Variants in HIVEP3 observed in about 807,000 individuals in gnomAD.
The protein encoded by HIVEP3 is HIVEP zinc finger 3, also known as transcription factor HIVEP3.
In HIVEP3, 49 loss-of-function variants were observed where a neutral mutation model predicts 152.8. The ratio of observed to expected loss-of-function variants is 0.32; its 90% CI spans 0.26 to 0.41. The LOEUF is 0.41. Among genes scored for constraint, HIVEP3 ranks in the 10% least tolerant of loss-of-function variants. The pLI is 1.00. For missense variants in HIVEP3, 2,790 were observed against 3,103.3 expected, an observed-to-expected ratio of 0.90 and a Z score of 2.40; for synonymous variants, 1,269 against 1,289.0, an observed-to-expected ratio of 0.98 and a Z score of 0.33.
rs2124509702 is a variant in HIVEP3, at chr1:41,980,561, C to T, written n.119+55246G>A. 1.3e-5 allele frequency among the ~76,000 whole-genome samples: 2 copies of T among 152,290 alleles called. 1 individual carries two copies. The highest frequency in any genetic ancestry group is 6.8e-3 in the Middle Eastern group (2 of 294). On this transcript the variant is annotated intron_variant and non_coding_transcript_variant, in intron 1 of 3. Transcript: ENST00000489103. Reference sequence around the variant, plus strand: ...GGTCTGGGGATGGGGTGAAGATTGCCTACAATTGGGCACAACAGATCTTTT... The same window carrying T: ...GGTCTGGGGATGGGGTGAAGATTGCTTACAATTGGGCACAACAGATCTTTT...
chr1:41,525,020 G>A, intron 5 of HIVEP3, 110 bp from the exon 6 acceptor site: 2 of 1,043,382 alleles, frequency 1.9e-6, no homozygotes, highest in Non-Finnish European at 2.8e-6. Context: ...ACAGACGCAA[G>A]GAATGGAGGC....
intron 4 of HIVEP3, 65 bp from the exon 5 acceptor site, chr1:41,575,754 A>G: frequency 1.3e-6 from 2 of 1,547,886 alleles, no homozygotes; most frequent in Non-Finnish European, 1.8e-6. Flanking sequence ...CACGAATGCA[A>G]TGCTAATAAT....
chr1:41,947,048 G>A (rs1303182858), intron 1 of HIVEP3, among the ~76,000 whole-genome samples: 1 of 152,132 alleles, frequency 6.6e-6, no homozygotes, highest in African/African-American at 2.4e-5. Flanking sequence ...CTTTAAAGAT[G>A]CCTTTTTCTG....
At chr1:41,731,072 A>G (rs1646832241) in intron 1 of HIVEP3, among the ~76,000 whole-genome samples, 1 of 152,020 alleles carries the variant, frequency 6.6e-6, no homozygotes, top group Non-Finnish European at 1.5e-5. Context: ...GGAACTCACT[A>G]CCTCCTAGAG....
At chr1:42,031,255 T>A (rs1220443144) in intron 1 of HIVEP3, among the ~76,000 whole-genome samples, 1 of 152,220 alleles carries the variant, frequency 6.6e-6, no homozygotes, top group African/African-American at 2.4e-5. Context: ...TCCAGACTGC[T>A]CTGCTGAACA....
intron 1 of HIVEP3, among the ~76,000 whole-genome samples, chr1:41,865,898 C>T (rs554314481): frequency 9.2e-5 from 14 of 152,286 alleles, no homozygotes; most frequent in African/African-American, 2.4e-4. Flanking sequence ...CCACATAACA[C>T]GGAGCTTTGA....
At chr1:41,652,091 A>G (rs1645559776) in intron 2 of HIVEP3, among the ~76,000 whole-genome samples, 1 of 152,198 alleles carries the variant, frequency 6.6e-6, no homozygotes, top group Non-Finnish European at 1.5e-5. Flanking sequence ...ACAGCAGTCC[A>G]TGTTTATAGC....
chr1:41,575,707 T>C lies in HIVEP3; in HGVS notation c.5062-18A>G, dbSNP rs762499250. Reference sequence around the variant, plus strand: ...AGGTGAACCTGGCCCACCGCAGGAATGACAAAATCATTGCTGGTTAAAAGT... The same window carrying C: ...AGGTGAACCTGGCCCACCGCAGGAACGACAAAATCATTGCTGGTTAAAAGT... On this transcript the variant is annotated intron_variant, in intron 4 of 8. Coordinates refer to ENST00000372583, the MANE Select transcript of HIVEP3 (RefSeq NM_024503.5). 6.2e-7 allele frequency: 1 copy of C among 1,612,714 alleles called. No individual in the cohort carries two copies. Among genetic ancestry groups the C allele is most frequent in the East Asian group, 2.2e-5 (1 of 44,844 alleles).
At chr1:41,696,002 T>TC (rs890129052) in intron 2 of HIVEP3, among the ~76,000 whole-genome samples, 4 of 152,068 alleles carry the variant, frequency 2.6e-5, no homozygotes, top group African/African-American at 9.7e-5. Context: ...GCAAATGACT[T>TC]CCCCATCTCA....
chr1:41,589,803 G>A (rs1644560290), intron 3 of HIVEP3, among the ~76,000 whole-genome samples: 1 of 152,146 alleles, frequency 6.6e-6, no homozygotes, highest in African/African-American at 2.4e-5. Flanking sequence ...CTCTTTGCTT[G>A]TAATTTACTT....
chr1:41,985,417 G>A (rs900941169), intron 1 of HIVEP3, among the ~76,000 whole-genome samples: 3 of 152,148 alleles, frequency 2.0e-5, no homozygotes, highest in Admixed American at 2.0e-4. Context: ...CAAGGTGCTG[G>A]CAGATCCAGC....
intron 2 of HIVEP3, among the ~76,000 whole-genome samples, chr1:41,675,991 A>T (rs1050576948): frequency 6.6e-6 from 1 of 152,130 alleles, no homozygotes; most frequent in African/African-American, 2.4e-5. Flanking sequence ...GCCGGGCAAC[A>T]TCTAATGCCA....
chr1:41,728,249 A>G (rs1266476930), intron 1 of HIVEP3, among the ~76,000 whole-genome samples: 3 of 152,198 alleles, frequency 2.0e-5, no homozygotes, highest in Non-Finnish European at 4.4e-5. Context: ...CCATAAAGCT[A>G]GAACAATAAG....
chr1:41,593,707 C>A (rs1373016653), intron 3 of HIVEP3, among the ~76,000 whole-genome samples: 2 of 152,244 alleles, frequency 1.3e-5, no homozygotes, highest in Non-Finnish European at 2.9e-5. Context: ...ATAAGAAAGG[C>A]AAAATGGTTG....
chr1:41,648,965 T>G (rs1190329907), intron 2 of HIVEP3, among the ~76,000 whole-genome samples: 2 of 152,262 alleles, frequency 1.3e-5, no homozygotes, highest in Non-Finnish European at 2.9e-5. Flanking sequence ...GTAGCTCAAG[T>G]GCTCAGAGCC....
In HIVEP3 at chr1:41,995,934, C is replaced by T. The variant is rs146774750; in HGVS notation, n.119+39873G>A. On this transcript the variant is annotated intron_variant and non_coding_transcript_variant, in intron 1 of 3. Coordinates refer to the HIVEP3 transcript ENST00000489103. The stretch of plus-strand genomic sequence containing the variant: ...CAGTGAGATGTTTTGCCTTGGTTCA[C>T]GTATCCTCACCTCCTCCTCTGCCTC... Among the ~76,000 whole-genome samples, 739 of 152,292 alleles carry T rather than the reference C, an allele frequency of 4.9e-3. 6 individuals are homozygous for T. Among genetic ancestry groups the T allele is most frequent in the African/African-American group, 0.017 (698 of 41,552 alleles).
At chr1:41,937,950 C>G (rs536118058) in intron 1 of HIVEP3, among the ~76,000 whole-genome samples, 1 of 152,184 alleles carries the variant, frequency 6.6e-6, no homozygotes, top group Non-Finnish European at 1.5e-5. Flanking sequence ...TATATGTGGA[C>G]AAATCAACCA....
rs533730236 is a variant in HIVEP3 at position 41,526,683 on chromosome 1, CCA to C, written c.5208-1775_5208-1774del. ...CTCCCCCTCATACCTGCTCGCACCC[CCA>C]CACTCACCCTCACGCACACTCACCC... is the stretch of plus-strand genomic sequence containing the variant. On this transcript the variant is annotated intron_variant, in intron 5 of 8. Transcript: ENST00000372583. Among the ~76,000 whole-genome samples the C allele has an allele frequency of 2.7e-3, 294 of 108,636 alleles. 7 individuals carry two copies. Among genetic ancestry groups the C allele is most frequent in the African/African-American group, 0.011 (279 of 26,094 alleles). 71.3% of individuals were successfully genotyped at this position (108,636 alleles called of 152,430 possible).
chr1:41,511,138 G>C lies in HIVEP3; in HGVS notation c.6534C>G (p.Ser2178Arg). 3 of 1,614,216 alleles carry C rather than the reference G, an allele frequency of 1.9e-6. No homozygotes were observed. The highest frequency in any genetic ancestry group is 2.5e-6 in the Non-Finnish European group (3 of 1,180,030). Residue 2178 changes from serine (S) to arginine (R), a missense_variant, in exon 9 of 9, where the codon AGC becomes AGG. Physicochemically the swap from Ser to Arg is moderately radical, Grantham distance 110. This residue lies in a region of HIVEP3 where 816 missense variants were observed against 806.5 expected (regional missense o/e 1.01). Coordinates refer to ENST00000372583, the MANE Select transcript of HIVEP3 (RefSeq NM_024503.5). The surrounding 1 kb of genome is among the most constrained non-coding windows in gnomAD (Gnocchi z 4.9). ...AGTGCTGGGAGTGCAGAGGCAGGTG[G>C]CTGAAGATGTTCTCCTCTGTCCGGG... Reference protein sequence around the residue: ...ILARTEENIFSHLPLHSQHLT... With the variant: ...ILARTEENIFRHLPLHSQHLT...
Sources: gnomAD v4.1 joint callset for allele counts (sites outside exome capture counted in the v4.1 genomes callset) on GRCh38, gnomAD v4.1.1 for gene constraint, gnomAD v4.1.1 regional missense constraint, Gnocchi (gnomAD v3.1) non-coding constraint, MANE v1.5 for transcripts, NCBI Gene and HGNC (gene_info 2026-07-23, HGNC 2026-07-21) for gene names.